The following MPHOSPH9 variants were observed in gnomAD, a reference collection of about 807,000 sequenced individuals.
MPHOSPH9 encodes M-phase phosphoprotein 9.
A neutral mutation model predicts 145.5 loss-of-function variants in MPHOSPH9; 88 were observed. That is an observed-to-expected ratio of 0.60 (90% CI 0.51 to 0.72). The LOEUF (loss-of-function observed/expected upper bound fraction) is 0.72, where lower values mean the gene tolerates loss of function less well. Among genes scored for constraint, MPHOSPH9 ranks in the 30% least tolerant of loss-of-function variants. The probability of loss-of-function intolerance (pLI) is 0.00; values close to 1 mark genes in which losing one functional copy is unlikely to be tolerated. For missense variants in MPHOSPH9, 1,238 were observed against 1,386.6 expected, an observed-to-expected ratio of 0.89 and a Z score of 1.70; for synonymous variants, 435 against 486.2, an observed-to-expected ratio of 0.89 and a Z score of 1.39.
chr12:123,218,188 C>T (rs939569525), intron 6 of MPHOSPH9, among the ~76,000 whole-genome samples, 188 bp downstream of exon 6: 1 of 151,982 alleles, frequency 6.6e-6, no homozygotes, highest in African/African-American at 2.4e-5. Context: ...GCCGAGATCA[C>T]GTCATTGCAC....
At position 123,210,890 on chromosome 12, in the gene MPHOSPH9, T is replaced by C. The variant is rs533853068; in HGVS notation, c.1088-728A>G. On this transcript the variant is annotated intron_variant, in intron 7 of 23. Coordinates refer to ENST00000606320, the MANE Select transcript of MPHOSPH9 (RefSeq NM_022782.4). The stretch of plus-strand genomic sequence containing the variant: ...TCATTGCAACCTCCGCCTCCCGAGT[T>C]CAAGCAATTCTCCTGCCTCAGCCTC... 3.3e-5 allele frequency among the ~76,000 whole-genome samples: 5 copies of C among 151,172 alleles called. No individual in the cohort carries two copies. The South Asian group carries it at 1.0e-3, about 32-fold the overall frequency.
rs1240765045 is a variant in MPHOSPH9, at chr12:123,155,356, T to C, written c.*1451A>G. The C allele has an allele frequency of 6.6e-6, 1 of 152,286 alleles. No individual in the cohort carries two copies. Among genetic ancestry groups the C allele is most frequent in the Non-Finnish European group, 1.5e-5 (1 of 68,032 alleles). The allele number at this position is 152,286 out of a possible 1,614,324, so 9.4% of individuals were successfully genotyped here. A position where few individuals can be genotyped will look rare whatever the true frequency, so the allele number is the denominator to read the frequency against. On this transcript the variant is annotated 3_prime_UTR_variant, in exon 24 of 24. Coordinates refer to ENST00000606320, the MANE Select transcript of MPHOSPH9 (RefSeq NM_022782.4). ...GCACTGTCAGACAGGCCACCCTCCT[T>C]GCTGAGAAGGGAGCAGGGCTGTGGA...
intron 16 of MPHOSPH9, among the ~76,000 whole-genome samples, chr12:123,169,773 G>A (rs918762434): frequency 6.6e-6 from 1 of 151,574 alleles, no homozygotes; most frequent in Non-Finnish European, 1.5e-5. Flanking sequence ...GCTAATTTTT[G>A]TATTTTTAGA....
rs5801508 is a variant in MPHOSPH9, at chr12:123,204,302, CAA to C, written c.1195-929_1195-928del. 2.0e-3 allele frequency among the ~76,000 whole-genome samples: 255 copies of C among 124,872 alleles called. 2 individuals carry two copies. Among genetic ancestry groups the C allele is most frequent in the African/African-American group, 4.3e-3 (122 of 28,556 alleles). 81.9% of individuals were successfully genotyped at this position (124,872 alleles called of 152,430 possible). A position where few individuals can be genotyped will look rare whatever the true frequency, so the allele number is the denominator to read the frequency against. On this transcript the variant is annotated intron_variant, in intron 8 of 23. Transcript: ENST00000606320. ...GCGCAACAAGAGCGAAACTCCGTCTCAAAAAAAAAAAAAAAGAAAACAAGATA... is the reference window on the plus strand; with the variant it reads ...GCGCAACAAGAGCGAAACTCCGTCTCAAAAAAAAAAAAAGAAAACAAGATA...
intron 4 of MPHOSPH9, 90 bp from the exon 5 acceptor site, chr12:123,221,985 T>C (rs1354536437): frequency 1.2e-5 from 9 of 738,302 alleles, no homozygotes; most frequent in Non-Finnish European, 1.9e-5. Flanking sequence ...TTTCAAAATA[T>C]GATGAGATAT....
intron 17 of MPHOSPH9, chr12:123,166,383 GGCGTGA>G: frequency 2.4e-6 from 1 of 410,212 alleles, no homozygotes; most frequent in Non-Finnish European, 4.3e-6. Flanking sequence ...TGGGATTACA[GGCGTGA>G]GCCACCACAC....
At chr12:123,243,858 A>G (rs1202761609) in exon 1 of MPHOSPH9, 1 of 152,276 alleles carries the variant, frequency 6.6e-6, no homozygotes, top group African/African-American at 2.4e-5. Flanking sequence ...TTTACAAGAA[A>G]GCAACGCCTG....
chr12:123,200,507 A>G (rs1433430805), intron 11 of MPHOSPH9, among the ~76,000 whole-genome samples: 1 of 152,102 alleles, frequency 6.6e-6, no homozygotes, highest in East Asian at 1.9e-4. Flanking sequence ...ACACGCTCAA[A>G]CATCTTCTAG....
At chr12:123,241,280 T>C (rs11057204) in intron 1 of MPHOSPH9, among the ~76,000 whole-genome samples, 97,007 of 151,746 alleles carry the variant, frequency 0.64, 35,443 homozygotes, top group East Asian at 1. Context: ...GTGTGAGCCA[T>C]CACACCCAGC....
rs755669070 is a variant in MPHOSPH9 at position 123,203,347 on chromosome 12, G to T, written c.1223C>A (p.Pro408Gln). ...TTTATAATAAATATCCTTCAGTGACGGTAGCTTCATCTCATTACTAGTATT... is the reference window on the plus strand; with the variant it reads ...TTTATAATAAATATCCTTCAGTGACTGTAGCTTCATCTCATTACTAGTATT... ...QSNTSNEMKL[P>Q]SLKDIYYKKQ... Residue 408 changes from proline (P) to glutamine (Q), a missense_variant, in exon 9 of 24, where the codon CCG becomes CAG. This residue lies in a region of MPHOSPH9 where 837 missense variants were observed against 897.5 expected (regional missense o/e 0.93). Coordinates refer to ENST00000606320, the MANE Select transcript of MPHOSPH9 (RefSeq NM_022782.4). 1 of 1,608,574 alleles carries T rather than the reference G, an allele frequency of 6.2e-7. No individual in the cohort carries two copies. Among genetic ancestry groups the T allele is most frequent in the Non-Finnish European group, 8.5e-7 (1 of 1,175,570 alleles).
At chr12:123,192,539 A>G (rs1487697485) in intron 13 of MPHOSPH9, among the ~76,000 whole-genome samples, 3 of 149,286 alleles carry the variant, frequency 2.0e-5, no homozygotes, top group African/African-American at 7.4e-5. Context: ...AAGGTGGAAG[A>G]ATCACCTGAG....
chr12:123,218,328 C>A (rs555317020), intron 6 of MPHOSPH9, 48 bp downstream of exon 6: 1 of 1,608,750 alleles, frequency 6.2e-7, no homozygotes, highest in South Asian at 1.1e-5. Context: ...ACTAAACCCA[C>A]ATAATCATCA....
intron 12 of MPHOSPH9, among the ~76,000 whole-genome samples, chr12:123,196,455 C>T (rs569316011): frequency 5.3e-4 from 80 of 152,018 alleles, no homozygotes; most frequent in Non-Finnish European, 9.3e-4. Context: ...TGCATTTTAT[C>T]GTCTAATAGA....
chr12:123,223,066 T>C lies in MPHOSPH9; in HGVS notation c.320A>G (p.Gln107Arg). 1 of 1,515,750 alleles carries C rather than the reference T, an allele frequency of 6.6e-7. No individual in the cohort carries two copies. 93.9% of individuals were successfully genotyped at this position (1,515,750 alleles called of 1,614,324 possible). The part of the protein sequence containing the change: ...EKQCQEQIVA[Q>R]QEQFHNQIQH... ...AATTTGGTTGTGGAACTGCTCCTGC[T>C]GGGCAACTATCTGTTCTTGGCATTG... The change falls in exon 4 of 24, where the codon CAG (glutamine) becomes CGG (arginine). Residue 107 changes from glutamine (Q) to arginine (R), a missense_variant. By Grantham distance (43) the Gln-to-Arg change is conservative (BLOSUM62 1). Transcript: ENST00000606320.
At chr12:123,199,855 A>G (rs2046142509) in intron 11 of MPHOSPH9, among the ~76,000 whole-genome samples, 1 of 152,168 alleles carries the variant, frequency 6.6e-6, no homozygotes, top group Non-Finnish European at 1.5e-5. Context: ...TTGAGAAAAC[A>G]AAGACAGTTC....
intron 8 of MPHOSPH9, among the ~76,000 whole-genome samples, chr12:123,204,198 A>C (rs2046328899): frequency 6.6e-6 from 1 of 152,022 alleles, no homozygotes; most frequent in Non-Finnish European, 1.5e-5. Context: ...GCTACAAGGG[A>C]AGCTGAGGCA....
chr12:123,209,832 G>A (rs1157986698), intron 8 of MPHOSPH9, among the ~76,000 whole-genome samples: 2 of 149,458 alleles, frequency 1.3e-5, no homozygotes, highest in Non-Finnish European at 3.0e-5. Context: ...TGCCTCCTGA[G>A]TTCACACCAT....
rs1332814877 is a variant in MPHOSPH9, at chr12:123,156,783, C to T, written c.*24G>A. On this transcript the variant is annotated 3_prime_UTR_variant, in exon 24 of 24. Coordinates refer to ENST00000606320, the MANE Select transcript of MPHOSPH9 (RefSeq NM_022782.4). ...TATACATTAGTGCAAACAAAAATGT[C>T]TCAAAATTTAATGGCTACAAATCTC... is the stretch of plus-strand genomic sequence containing the variant. 1.9e-6 allele frequency: 3 copies of T among 1,595,690 alleles called. No homozygotes were observed. The highest frequency in any genetic ancestry group is 4.5e-5 in the East Asian group (2 of 44,678).
intron 11 of MPHOSPH9, among the ~76,000 whole-genome samples, chr12:123,201,415 T>C (rs2046216523): frequency 6.6e-6 from 1 of 152,174 alleles, no homozygotes; most frequent in East Asian, 1.9e-4. Context: ...GGTGTCGCTC[T>C]GTCACCCAGG....
Sources: allele counts gnomAD v4.1 joint callset (sites outside exome capture counted in the v4.1 genomes callset), GRCh38; gene constraint gnomAD v4.1.1; regional missense constraint gnomAD v4.1.1; transcripts MANE v1.5; gene names NCBI Gene and HGNC (gene_info 2026-07-23, HGNC 2026-07-21).